ZNF385D: variants seen among roughly 807,000 people sequenced by gnomAD.
ZNF385D encodes the protein zinc finger protein 385D, also known as zinc finger protein 659.
Under a neutral mutation model 35.8 loss-of-function variants are expected in ZNF385D, and 15 were observed. The ratio of observed to expected loss-of-function variants is 0.42; its 90% CI spans 0.28 to 0.64. The LOEUF is 0.64. Among genes scored for constraint, ZNF385D ranks in the 30% least tolerant of loss-of-function variants. The pLI is 0.23. For synonymous variants in ZNF385D, 212 were observed against 186.8 expected, an observed-to-expected ratio of 1.13 and a Z score of -1.10; for missense variants, 474 against 494.6, an observed-to-expected ratio of 0.96 and a Z score of 0.39.
chr3:22,250,377 A>G (rs1174659657), intron 2 of ZNF385D, among the ~76,000 whole-genome samples: 1 of 152,038 alleles, frequency 6.6e-6, no homozygotes, highest in African/African-American at 2.4e-5. Flanking sequence ...ATTTTTTAAA[A>G]GGTGTATTTC....
chr3:22,062,131 A>C (rs906376440), intron 3 of ZNF385D, among the ~76,000 whole-genome samples: 1 of 152,088 alleles, frequency 6.6e-6, no homozygotes, highest in African/African-American at 2.4e-5. Context: ...TCGACCTCCT[A>C]AGCTCAAGCA....
chr3:21,747,507 T>C (rs1299100716), intron 1 of ZNF385D, among the ~76,000 whole-genome samples: 1 of 152,154 alleles, frequency 6.6e-6, no homozygotes, highest in African/African-American at 2.4e-5. Context: ...AGACATGGCA[T>C]CTCTCTGGCC....
At chr3:21,676,199 C>G (rs2066718327) in intron 1 of ZNF385D, among the ~76,000 whole-genome samples, 1 of 152,032 alleles carries the variant, frequency 6.6e-6, no homozygotes, top group South Asian at 2.1e-4. Context: ...CCATTAGCTT[C>G]CAAGGTTTAG....
intron 3 of ZNF385D, among the ~76,000 whole-genome samples, chr3:22,079,291 G>T (rs1464502856): frequency 7.1e-6 from 1 of 141,350 alleles, no homozygotes; most frequent in African/African-American, 2.6e-5. Flanking sequence ...TATCTGCTTT[G>T]TAAATAAGCC....
intron 3 of ZNF385D, among the ~76,000 whole-genome samples, chr3:21,970,445 G>C (rs540406597): frequency 6.6e-6 from 1 of 151,272 alleles, no homozygotes; most frequent in Admixed American, 6.6e-5. Context: ...CAGCAGAATT[G>C]ATCAAGCAAA....
chr3:21,498,811 CG>C (rs1233064881), intron 4 of ZNF385D, among the ~76,000 whole-genome samples: 1 of 151,808 alleles, frequency 6.6e-6, no homozygotes, highest in African/African-American at 2.4e-5. Flanking sequence ...GGCGTGGTGG[CG>C]TGAGCCTGTG....
At chr3:21,932,297 CT>C (rs906697297) in intron 3 of ZNF385D, among the ~76,000 whole-genome samples, 5 of 150,868 alleles carry the variant, frequency 3.3e-5, no homozygotes, top group African/African-American at 1.2e-4. Context: ...ATTTAGCTGC[CT>C]TTGTAAATGT....
chr3:21,582,857 A>AACCTCC (rs2063707851), intron 2 of ZNF385D, among the ~76,000 whole-genome samples: 1 of 151,912 alleles, frequency 6.6e-6, no homozygotes, highest in Non-Finnish European at 1.5e-5. Context: ...TGCTCACTGC[A>AACCTCC]ACCTCCACCT....
intron 3 of ZNF385D, among the ~76,000 whole-genome samples, chr3:21,936,076 C>T (rs981260742): frequency 6.6e-5 from 10 of 151,884 alleles, no homozygotes; most frequent in Non-Finnish European, 1.3e-4. Context: ...CTAATATGGC[C>T]AGAGACCAGT....
chr3:21,455,961 T>C (rs1702781156), intron 4 of ZNF385D, among the ~76,000 whole-genome samples: 1 of 152,158 alleles, frequency 6.6e-6, no homozygotes. Flanking sequence ...AAGACATTTA[T>C]GCAGCCAAAA....
chr3:21,918,652 AAAC>A (rs1700309632), intron 3 of ZNF385D, among the ~76,000 whole-genome samples: 1 of 152,210 alleles, frequency 6.6e-6, no homozygotes, highest in Admixed American at 6.5e-5. Flanking sequence ...GTGGTTTAAG[AAAC>A]AACAATAAAT....
At chr3:22,318,657 G>C (rs1049231472) in intron 2 of ZNF385D, among the ~76,000 whole-genome samples, 5 of 152,074 alleles carry the variant, frequency 3.3e-5, no homozygotes, top group African/African-American at 9.7e-5. Context: ...TAAGCAGAAA[G>C]GAATTACCCA....
chr3:21,911,364 C>A (rs2125913362), intron 3 of ZNF385D, among the ~76,000 whole-genome samples: 1 of 152,030 alleles, frequency 6.6e-6, no homozygotes, highest in South Asian at 2.1e-4. Context: ...TTGTAGATCA[C>A]AGGTTTTATG....
chr3:22,040,849 C>T (rs990068324), intron 3 of ZNF385D, among the ~76,000 whole-genome samples: 1 of 152,036 alleles, frequency 6.6e-6, no homozygotes, highest in Non-Finnish European at 1.5e-5. Context: ...AAATATCATG[C>T]TATGTTTGCA....
chr3:21,588,170 CAG>C (rs2063867406), intron 2 of ZNF385D, among the ~76,000 whole-genome samples: 2 of 152,120 alleles, frequency 1.3e-5, no homozygotes, highest in East Asian at 1.9e-4. Context: ...TGCTGTAAAA[CAG>C]AATCATAATT....
chr3:21,438,660 G>T (rs1408273959), intron 4 of ZNF385D, among the ~76,000 whole-genome samples: 2 of 152,038 alleles, frequency 1.3e-5, no homozygotes, highest in Non-Finnish European at 2.9e-5. Flanking sequence ...TGTTTCCTTT[G>T]CCTGACACTT....
intron 2 of ZNF385D, among the ~76,000 whole-genome samples, chr3:22,223,192 T>C (rs976805896): frequency 6.6e-6 from 1 of 152,172 alleles, no homozygotes; most frequent in African/African-American, 2.4e-5. Context: ...TAATTATAAA[T>C]GTGTTCAGCT....
chr3:21,425,963 C>A (rs940640698), intron 5 of ZNF385D, among the ~76,000 whole-genome samples: 7 of 151,972 alleles, frequency 4.6e-5, no homozygotes, highest in Non-Finnish European at 8.8e-5. Flanking sequence ...AGTATAGTAA[C>A]TAAACTTTAG....
At chr3:21,750,191 C>A (rs1235879643) in intron 1 of ZNF385D, among the ~76,000 whole-genome samples, 1 of 152,238 alleles carries the variant, frequency 6.6e-6, no homozygotes, top group Non-Finnish European at 1.5e-5. Context: ...AAGCCCACTT[C>A]CAGTGCTCAA....
Sources: gnomAD v4.1 joint callset for allele counts (sites outside exome capture counted in the v4.1 genomes callset) on GRCh38, gnomAD v4.1.1 for gene constraint, MANE v1.5 for transcripts, NCBI Gene and HGNC (gene_info 2026-07-23, HGNC 2026-07-21) for gene names.